TBCK: variants seen among roughly 807,000 people sequenced by gnomAD.
TBCK encodes TBC domain-containing protein kinase-like protein.
TBCK carries 99 observed loss-of-function variants against 113.4 expected under a neutral mutation model. The ratio of observed to expected loss-of-function variants is 0.87; its 90% CI spans 0.74 to 1.03. TBCK has a LOEUF of 1.03. Ranked by LOEUF, TBCK falls within the 50% of genes least tolerant of loss-of-function variation. The pLI, the probability that TBCK is intolerant of heterozygous loss-of-function variation, is 0.00. For missense variants in TBCK, 1,045 were observed against 1,061.3 expected (o/e 0.98, Z 0.21); for synonymous variants, 369 against 370.8 (o/e 1.00, Z 0.05).
chr4:106,286,001 G>A (rs1397565303), intron 3 of TBCK, among the ~76,000 whole-genome samples: 2 of 152,188 alleles, frequency 1.3e-5, no homozygotes, highest in African/African-American at 4.8e-5. Context: ...AATTAATTTA[G>A]ATGGATGGAT....
At chr4:106,289,911 T>G (rs1433857612) in intron 3 of TBCK, among the ~76,000 whole-genome samples, 1 of 152,110 alleles carries the variant, frequency 6.6e-6, no homozygotes, top group Admixed American at 6.6e-5. Context: ...AGGAAAATGA[T>G]TAAGAGACTT....
In TBCK at chr4:106,181,017, C is replaced by T. The variant is rs556376803; in HGVS notation, c.2060-9747G>A. Among the ~76,000 whole-genome samples, 200 of 152,300 alleles carry T rather than the reference C, an allele frequency of 1.3e-3. 1 individual carries two copies. The highest frequency in any genetic ancestry group is 4.4e-3 in the African/African-American group (182 of 41,576). ...TAAAAGCATTCCTATTTTTCCACAA[C>T]CTCTCCAGCATCTGTTGTTTCTTGA... On this transcript the variant is annotated intron_variant, in intron 22 of 25. Coordinates refer to ENST00000394708, the MANE Select transcript of TBCK (RefSeq NM_001163435.3).
At chr4:106,128,170 G>T (rs1236913864) in intron 23 of TBCK, among the ~76,000 whole-genome samples, 1 of 151,958 alleles carries the variant, frequency 6.6e-6, no homozygotes, top group Non-Finnish European at 1.5e-5. Flanking sequence ...TTGGTCAAAG[G>T]ATACAAATAT....
chr4:106,172,561 G>A (rs1751160100), intron 22 of TBCK, among the ~76,000 whole-genome samples: 1 of 152,138 alleles, frequency 6.6e-6, no homozygotes, highest in South Asian at 2.1e-4. Context: ...GTCGGGCTCA[G>A]GCAGGCAATG....
chr4:106,247,327 T>TA (rs747805905), intron 9 of TBCK, 40 bp from the exon 10 acceptor site: 3 of 1,592,590 alleles, frequency 1.9e-6, no homozygotes, highest in Non-Finnish European at 2.6e-6. Flanking sequence ...ATGAAAGTCA[T>TA]AAAAAATTTC....
intron 23 of TBCK, among the ~76,000 whole-genome samples, chr4:106,165,631 A>T (rs967269628): frequency 6.6e-6 from 1 of 151,774 alleles, no homozygotes; most frequent in Non-Finnish European, 1.5e-5. Context: ...AAGTAAAAAA[A>T]ATTAACTGTT....
rs1430750043 is a variant in TBCK at position 106,046,517 on chromosome 4, G to C, written c.*53C>G. On this transcript the variant is annotated 3_prime_UTR_variant, in exon 26 of 26. Transcript: ENST00000394708. ...GAGAGTGGCGTGGATATGAAGAACT[G>C]TGCTGTTGGTGCTGATGCCACACTA... 3 of 949,258 alleles carry C rather than the reference G, an allele frequency of 3.2e-6. No individual in the cohort carries two copies. Among genetic ancestry groups the C allele is most frequent in the East Asian group, 4.8e-5 (2 of 41,504 alleles). 58.8% of individuals were successfully genotyped at this position (949,258 alleles called of 1,614,324 possible). A position where few individuals can be genotyped will look rare whatever the true frequency, so the allele number is the denominator to read the frequency against.
intron 3 of TBCK, among the ~76,000 whole-genome samples, chr4:106,264,135 T>G (rs1288998040): frequency 2.0e-5 from 3 of 152,000 alleles, no homozygotes; most frequent in South Asian, 4.1e-4. Flanking sequence ...TTCATTATAT[T>G]GTTTTTACAT....
At chr4:106,198,092 C>T (rs1754467978) in intron 20 of TBCK, among the ~76,000 whole-genome samples, 1 of 152,050 alleles carries the variant, frequency 6.6e-6, no homozygotes, top group Non-Finnish European at 1.5e-5. Flanking sequence ...TGTACTCATG[C>T]ATTTAAGGCC....
Position 106,236,373 on chromosome 4 carries a change from T to C in TBCK, c.1350+17A>G. 1 of 1,436,160 alleles carries C rather than the reference T, an allele frequency of 7.0e-7. No homozygotes were observed. The highest frequency in any genetic ancestry group is 1.9e-4 in the Middle Eastern group (1 of 5,342). The allele number at this position is 1,436,160 out of a possible 1,614,324, so 89.0% of individuals were successfully genotyped here. ...CATATGGGCTATTGTTAACACTTTA[T>C]ACTTTAGAATCCATACCTTTAGCAG... On this transcript the variant is annotated intron_variant, in intron 14 of 25. Transcript: ENST00000394708.
chr4:106,230,515 T>A, intron 18 of TBCK, 69 bp from the exon 19 acceptor site: 2 of 848,608 alleles, frequency 2.4e-6, no homozygotes, highest in Non-Finnish European at 1.9e-6. Context: ...AGTAATGCAT[T>A]CACTTAGCAC....
intron 24 of TBCK, among the ~76,000 whole-genome samples, chr4:106,106,500 A>G (rs766641970): frequency 9.9e-5 from 15 of 152,212 alleles, no homozygotes; most frequent in South Asian, 4.1e-4. Flanking sequence ...GAATGTTCTG[A>G]AAGAAAAAAA....
At chr4:106,070,502 T>C (rs1384375042) in intron 25 of TBCK, among the ~76,000 whole-genome samples, 2 of 152,190 alleles carry the variant, frequency 1.3e-5, no homozygotes, top group Admixed American at 6.5e-5. Flanking sequence ...GACTTGATCT[T>C]GGTGGATAAG....
At chr4:106,202,208 TGAGCA>T (rs575115197) in intron 20 of TBCK, among the ~76,000 whole-genome samples, 145 of 151,640 alleles carry the variant, frequency 9.6e-4, no homozygotes, top group African/African-American at 3.4e-3. Context: ...AGGAGAGGCA[TGAGCA>T]GAAAATAAAA....
At chr4:106,264,091 T>A (rs1762751838) in intron 3 of TBCK, among the ~76,000 whole-genome samples, 1 of 152,014 alleles carries the variant, frequency 6.6e-6, no homozygotes, top group East Asian at 1.9e-4. Context: ...TTTTCACAAC[T>A]TCCCCAATTT....
chr4:106,184,054 C>T (rs935971910), intron 22 of TBCK, among the ~76,000 whole-genome samples: 3 of 151,906 alleles, frequency 2.0e-5, no homozygotes, highest in Admixed American at 2.0e-4. Context: ...GCCTAACTTA[C>T]TAGGGCTTCA....
At chr4:106,072,422 C>T (rs1011058030) in intron 25 of TBCK, among the ~76,000 whole-genome samples, 12 of 152,134 alleles carry the variant, frequency 7.9e-5, no homozygotes, top group Admixed American at 1.3e-4. Flanking sequence ...TGAATATTGG[C>T]CCCTACTCTC....
intron 24 of TBCK, among the ~76,000 whole-genome samples, chr4:106,110,557 A>T (rs1019475914): frequency 1.3e-5 from 2 of 152,170 alleles, no homozygotes; most frequent in African/African-American, 4.8e-5. Flanking sequence ...CAATTAAGAG[A>T]CCTAATGCAA....
At chr4:106,202,347 A>G (rs553227942) in intron 20 of TBCK, among the ~76,000 whole-genome samples, 1 of 152,164 alleles carries the variant, frequency 6.6e-6, no homozygotes. Flanking sequence ...GAATGATGGA[A>G]TCATCTACAA....
Sources: allele counts gnomAD v4.1 joint callset (sites outside exome capture counted in the v4.1 genomes callset), GRCh38; gene constraint gnomAD v4.1.1; transcripts MANE v1.5; gene names NCBI Gene and HGNC (gene_info 2026-07-23, HGNC 2026-07-21).